The following TMEM108 variants were observed in gnomAD, a reference collection of about 807,000 sequenced individuals.
TMEM108 encodes the protein transmembrane protein 108.
In TMEM108, 12 loss-of-function variants were observed where a neutral mutation model predicts 35.1. That is an observed-to-expected ratio of 0.34 (90% CI 0.22 to 0.55). TMEM108 has a LOEUF of 0.55. Ranked by LOEUF, TMEM108 falls within the 20% of genes least tolerant of loss-of-function variation. The probability of loss-of-function intolerance (pLI) is 0.89; values close to 1 mark genes in which losing one functional copy is unlikely to be tolerated. For synonymous variants in TMEM108, 287 were observed against 308.6 expected (o/e 0.93, Z 0.73); for missense variants, 680 against 753.3 (o/e 0.90, Z 1.14).
intron 2 of TMEM108, among the ~76,000 whole-genome samples, chr3:133,164,245 C>T (rs2107782461): frequency 6.6e-6 from 1 of 152,272 alleles, no homozygotes; most frequent in South Asian, 2.1e-4. Flanking sequence ...TGTCAAGTCA[C>T]AGCAAGGGTG....
intron 2 of TMEM108, among the ~76,000 whole-genome samples, chr3:133,098,267 A>T (rs1026414743): frequency 1.3e-5 from 2 of 152,188 alleles, no homozygotes; most frequent in African/African-American, 4.8e-5. Context: ...AGATAAACCA[A>T]TCAGATCTTG....
intron 2 of TMEM108, among the ~76,000 whole-genome samples, chr3:133,141,689 C>T (rs1944643160): frequency 6.6e-6 from 1 of 152,004 alleles, no homozygotes; most frequent in Non-Finnish European, 1.5e-5. Flanking sequence ...TTGAACAGTC[C>T]CTGCTGCTGG....
chr3:133,313,286 C>T (rs868357834), intron 3 of TMEM108, among the ~76,000 whole-genome samples: 1 of 151,964 alleles, frequency 6.6e-6, no homozygotes, highest in South Asian at 2.1e-4. Flanking sequence ...CAAGCTCCGC[C>T]TCCCGGGTGC....
At chr3:133,108,470 G>T (rs986102760) in intron 2 of TMEM108, among the ~76,000 whole-genome samples, 1 of 151,582 alleles carries the variant, frequency 6.6e-6, no homozygotes, top group Non-Finnish European at 1.5e-5. Flanking sequence ...GGGGTCGTTT[G>T]TTTTTTTCTT....
intron 3 of TMEM108, among the ~76,000 whole-genome samples, chr3:133,233,610 G>A (rs1308225181): frequency 4.0e-5 from 6 of 150,796 alleles, no homozygotes; most frequent in African/African-American, 9.7e-5. Context: ...CTGAGGAATT[G>A]CCACACTGAC....
chr3:133,307,775 C>G (rs1274375150), intron 3 of TMEM108, among the ~76,000 whole-genome samples: 1 of 152,014 alleles, frequency 6.6e-6, no homozygotes, highest in African/African-American at 2.4e-5. Flanking sequence ...GTAACTATAG[C>G]CTTGTAGTAT....
intron 3 of TMEM108, among the ~76,000 whole-genome samples, chr3:133,294,128 G>C (rs531618797): frequency 8.5e-4 from 130 of 152,262 alleles, no homozygotes; most frequent in Admixed American, 2.2e-3. Flanking sequence ...GCTTTTCTGG[G>C]TAATAAGCAT....
At chr3:133,232,618 C>A (rs1178446455) in intron 3 of TMEM108, among the ~76,000 whole-genome samples, 1 of 152,230 alleles carries the variant, frequency 6.6e-6, no homozygotes, top group African/African-American at 2.4e-5. Flanking sequence ...ATCACTGAAT[C>A]ATAATCAATA....
At chr3:133,291,985 C>A (rs1274309685) in intron 3 of TMEM108, among the ~76,000 whole-genome samples, 1 of 152,170 alleles carries the variant, frequency 6.6e-6, no homozygotes, top group Non-Finnish European at 1.5e-5. Context: ...CCTGACTGCA[C>A]ATCTGAATAC....
chr3:133,155,212 T>C (rs1944862465), intron 2 of TMEM108, among the ~76,000 whole-genome samples: 1 of 152,242 alleles, frequency 6.6e-6, no homozygotes, highest in Admixed American at 6.5e-5. Context: ...GGCTGCATAG[T>C]ATTCCATGGT....
At chr3:133,355,453 A>G (rs1411203517) in intron 3 of TMEM108, among the ~76,000 whole-genome samples, 1 of 152,198 alleles carries the variant, frequency 6.6e-6, no homozygotes, top group Non-Finnish European at 1.5e-5. Context: ...AGGCAAATGC[A>G]TCATTGGTGC....
At chr3:133,122,168 A>G (rs1944360968) in intron 2 of TMEM108, among the ~76,000 whole-genome samples, 1 of 151,562 alleles carries the variant, frequency 6.6e-6, no homozygotes, top group Non-Finnish European at 1.5e-5. Flanking sequence ...TTTTCCCTCT[A>G]CCTCCAAAAA....
At chr3:133,361,402 C>G (rs2072345079) in intron 3 of TMEM108, among the ~76,000 whole-genome samples, 1 of 152,146 alleles carries the variant, frequency 6.6e-6, no homozygotes. Context: ...ATCATAATAC[C>G]TAGTTTAAAA....
chr3:133,106,051 TA>T (rs1470721590), intron 2 of TMEM108, among the ~76,000 whole-genome samples: 8 of 151,936 alleles, frequency 5.3e-5, no homozygotes, highest in Admixed American at 2.6e-4. Context: ...TATAACCTAA[TA>T]GGGGTGAATG....
chr3:133,229,272 T>A lies in TMEM108; in HGVS notation c.-40T>A. On this transcript the variant is annotated 5_prime_UTR_variant, in exon 3 of 6. Transcript: ENST00000321871. Reference sequence around the variant, plus strand: ...TCTTCTCCCAATTTCCTAGACAGAATCATGAATAAACTGGAGGATAAGCAG... The same window carrying A: ...TCTTCTCCCAATTTCCTAGACAGAAACATGAATAAACTGGAGGATAAGCAG... 1 of 1,600,212 alleles carries A rather than the reference T, an allele frequency of 6.2e-7. No individual in the cohort carries two copies. Among genetic ancestry groups the A allele is most frequent in the Non-Finnish European group, 8.5e-7 (1 of 1,172,880 alleles).
intron 2 of TMEM108, among the ~76,000 whole-genome samples, chr3:133,110,391 A>G (rs1020336321): frequency 1.3e-5 from 2 of 152,152 alleles, no homozygotes; most frequent in African/African-American, 4.8e-5. Flanking sequence ...GCCACTGTGG[A>G]CCATGTTTAC....
At chr3:133,117,651 T>C (rs1559837624) in intron 2 of TMEM108, among the ~76,000 whole-genome samples, 1 of 152,220 alleles carries the variant, frequency 6.6e-6, no homozygotes, top group Non-Finnish European at 1.5e-5. Context: ...TCTGTTTGTT[T>C]GCTTGTGGCA....
At chr3:133,370,403 A>G (rs1246306026) in intron 3 of TMEM108, among the ~76,000 whole-genome samples, 1 of 152,188 alleles carries the variant, frequency 6.6e-6, no homozygotes, top group Non-Finnish European at 1.5e-5. Context: ...CTACAGAGAT[A>G]AAGCACCTCT....
chr3:133,390,479 C>A, intron 5 of TMEM108, 145 bp downstream of exon 5: 1 of 910,884 alleles, frequency 1.1e-6, no homozygotes, highest in Non-Finnish European at 1.7e-6. Flanking sequence ...AGGTTGTAGG[C>A]CCTACCCTGG....
Sources: gnomAD v4.1 joint callset for allele counts (sites outside exome capture counted in the v4.1 genomes callset) on GRCh38, gnomAD v4.1.1 for gene constraint, MANE v1.5 for transcripts, NCBI Gene and HGNC (gene_info 2026-07-23, HGNC 2026-07-21) for gene names.